The following FGF13 variants were observed in gnomAD, a reference collection of about 807,000 sequenced individuals.
FGF13 encodes the protein fibroblast growth factor homologous factor 2.
In FGF13, 2 loss-of-function variants were observed where a neutral mutation model predicts 19.5. The observed-to-expected ratio is 0.10, with a 90% CI of 0.04 to 0.32. The LOEUF (loss-of-function observed/expected upper bound fraction) is 0.32, where lower values mean the gene tolerates loss of function less well. FGF13 is among the 10% of genes least tolerant of loss of function. The pLI is 1.00. For missense variants in FGF13, 113 were observed against 192.7 expected, an observed-to-expected ratio of 0.59 and a Z score of 2.45; for synonymous variants, 72 against 76.9, an observed-to-expected ratio of 0.94 and a Z score of 0.33.
At chrX:138,949,546 T>C (rs1475697374) in intron 1 of FGF13, among the ~76,000 whole-genome samples, 1 of 111,843 alleles carries the variant, frequency 8.9e-6, no homozygotes, top group Non-Finnish European at 1.9e-5. Flanking sequence ...TATGTTCTCA[T>C]GTTAACTAAT....
At chrX:139,158,421 G>C (rs982731969) in intron 1 of FGF13, among the ~76,000 whole-genome samples, 3 of 109,305 alleles carry the variant, frequency 2.7e-5, no homozygotes, top group Non-Finnish European at 5.7e-5. Context: ...CCAGCTTGGT[G>C]GGGGGAGGGG....
chrX:138,844,272 T>A (rs190931448), intron 3 of FGF13, among the ~76,000 whole-genome samples: 1 of 111,804 alleles, frequency 8.9e-6, no homozygotes, highest in Admixed American at 9.5e-5. Context: ...ACAGAAAAAA[T>A]TACCGAGCAA....
chrX:139,104,011 G>A (rs1332967614), intron 1 of FGF13, among the ~76,000 whole-genome samples: 1 of 111,333 alleles, frequency 9.0e-6, no homozygotes, highest in Admixed American at 9.6e-5. Flanking sequence ...ACAAGTCACT[G>A]AGCCTCTTTG....
At chrX:138,733,743 A>T in intron 1 of FGF13, among the ~76,000 whole-genome samples, 1 of 111,368 alleles carries the variant, frequency 9.0e-6, no homozygotes, top group Admixed American at 9.6e-5. Context: ...AACAAACGGT[A>T]GTTTTTATTT....
chrX:139,141,432 A>G (rs756052968), intron 1 of FGF13, among the ~76,000 whole-genome samples: 24 of 112,139 alleles, frequency 2.1e-4, no homozygotes, highest in Non-Finnish European at 3.8e-4. Context: ...CCCTAGGTTT[A>G]AAATCCTTTA....
chrX:139,112,034 C>A (rs904034467), intron 1 of FGF13, among the ~76,000 whole-genome samples: 1 of 111,782 alleles, frequency 8.9e-6, no homozygotes, highest in African/African-American at 3.3e-5. Context: ...GTCATAAATT[C>A]TAAGACCAAT....
intron 1 of FGF13, among the ~76,000 whole-genome samples, chrX:138,974,050 A>G (rs1348021329): frequency 9.0e-6 from 1 of 111,615 alleles, no homozygotes; most frequent in African/African-American, 3.3e-5. Context: ...GTCCTCTGCC[A>G]TGTTGTGATA....
chrX:138,641,173 C>T, intron 3 of FGF13, among the ~76,000 whole-genome samples: 1 of 112,270 alleles, frequency 8.9e-6, no homozygotes, highest in Non-Finnish European at 1.9e-5. Context: ...AAGCAAGAAC[C>T]ATAGAACACA....
chrX:138,708,987 A>T, intron 1 of FGF13, 59 bp from the exon 2 acceptor site: 1 of 609,459 alleles, frequency 1.6e-6, no homozygotes, highest in Non-Finnish European at 2.5e-6. Context: ...AGTTGAAAAG[A>T]CTAGGAATTT....
intron 1 of FGF13, among the ~76,000 whole-genome samples, chrX:138,986,809 T>C (rs2091996263): frequency 8.9e-6 from 1 of 112,007 alleles, no homozygotes; most frequent in Admixed American, 9.5e-5. Context: ...AAATGTGTTA[T>C]TAGATTATCT....
chrX:139,158,508 G>A (rs959002419), intron 1 of FGF13, among the ~76,000 whole-genome samples: 6 of 111,059 alleles, frequency 5.4e-5, no homozygotes, highest in African/African-American at 2.0e-4. Flanking sequence ...GTTCAAACTG[G>A]GCGGAGCCAG....
chrX:138,732,551 G>A (rs1300014351), intron 1 of FGF13, among the ~76,000 whole-genome samples: 1 of 111,418 alleles, frequency 9.0e-6, no homozygotes, highest in Admixed American at 9.6e-5. Flanking sequence ...ACGAACCTAT[G>A]GTGATAGAAG....
downstream of FGF13, among the ~76,000 whole-genome samples, chrX:138,856,569 C>T (rs991974253): frequency 8.9e-5 from 10 of 111,906 alleles, no homozygotes; most frequent in Non-Finnish European, 1.7e-4. Flanking sequence ...CAAAAGTATA[C>T]ACCAACTGCC....
chrX:138,920,505 T>G (rs764100677), intron 1 of FGF13, among the ~76,000 whole-genome samples: 1 of 111,785 alleles, frequency 8.9e-6, no homozygotes, highest in African/African-American at 3.2e-5. Flanking sequence ...AGCTGAAGAT[T>G]ATTCAAGTTA....
chrX:139,123,869 C>T (rs1440378824), intron 1 of FGF13, among the ~76,000 whole-genome samples: 1 of 112,401 alleles, frequency 8.9e-6, no homozygotes, highest in African/African-American at 3.2e-5. Context: ...GCCTTGAATG[C>T]CATAACCACA....
chrX:139,159,666 A>AC (rs1175385953), intron 1 of FGF13, among the ~76,000 whole-genome samples: 1 of 109,353 alleles, frequency 9.1e-6, no homozygotes, highest in Non-Finnish European at 1.9e-5. Context: ...AAAAAAAAAA[A>AC]AAAAAACAGT....
rs202184653 is a variant in FGF13 at position 139,013,479 on chromosome X, TTATATATATATATATATATATATATATA to T, written c.-112-148857_-112-148830del. ...AATCAATGAATGGATAAAGAAAATT[TTATATATATATATATATATATATATATA>T]TATATATATATATATATATATATAA... On this transcript the variant is annotated intron_variant, in intron 1 of 2. Transcript: ENST00000421460. Among the ~76,000 whole-genome samples the T allele has an allele frequency of 3.2e-3, 225 of 71,072 alleles. 3 individuals are homozygous for T. Among genetic ancestry groups the T allele is most frequent in the Non-Finnish European group, 3.6e-3 (149 of 40,886 alleles). 61.7% of individuals were successfully genotyped at this position (71,072 alleles called of 115,157 possible).
chrX:138,938,388 A>T (rs758059458), intron 1 of FGF13, among the ~76,000 whole-genome samples: 62 of 111,582 alleles, frequency 5.6e-4, no homozygotes, highest in African/African-American at 2.0e-3. Context: ...CTTTTGGGGG[A>T]AACTTAGTCT....
intron 3 of FGF13, among the ~76,000 whole-genome samples, chrX:138,773,046 A>T (rs1393370417): frequency 9.1e-6 from 1 of 110,201 alleles, no homozygotes; most frequent in Non-Finnish European, 1.9e-5. Context: ...AAAAAAAAAA[A>T]AATAAAAATA....
Sources: allele counts gnomAD v4.1 joint callset (sites outside exome capture counted in the v4.1 genomes callset), GRCh38; gene constraint gnomAD v4.1.1; transcripts MANE v1.5; gene names NCBI Gene and HGNC (gene_info 2026-07-23, HGNC 2026-07-21).